The following AIG1 variants were observed in gnomAD, a reference collection of about 807,000 sequenced individuals.
The protein encoded by AIG1 is androgen induced 1.
AIG1 carries 23 observed loss-of-function variants against 31.4 expected under a neutral mutation model. That is an observed-to-expected ratio of 0.73 (90% CI 0.53 to 1.04). AIG1 has a LOEUF of 1.04. AIG1 is among the 50% of genes least tolerant of loss of function. The pLI is 0.00. For missense variants in AIG1, 274 were observed against 295.0 expected (o/e 0.93, Z 0.52); for synonymous variants, 100 against 110.5 (o/e 0.90, Z 0.60).
chr6:143,227,780 CA>C (rs1793117925), intron 3 of AIG1, among the ~76,000 whole-genome samples: 1 of 152,118 alleles, frequency 6.6e-6, no homozygotes, highest in African/African-American at 2.4e-5. Context: ...TATCAGGGTG[CA>C]CATGCACAGG....
intron 3 of AIG1, among the ~76,000 whole-genome samples, chr6:143,204,468 C>T (rs1352292117): frequency 1.3e-5 from 2 of 152,066 alleles, no homozygotes; most frequent in African/African-American, 2.4e-5. Context: ...GGTAGTCTGA[C>T]TTTTTATTGG....
intron 3 of AIG1, among the ~76,000 whole-genome samples, chr6:143,224,247 C>A (rs143213462): frequency 6.6e-6 from 1 of 152,304 alleles, no homozygotes; most frequent in South Asian, 2.1e-4. Flanking sequence ...ACATCCAAAC[C>A]GGAACTCCTC....
At chr6:143,294,551 T>C (rs1798292173) in intron 4 of AIG1, among the ~76,000 whole-genome samples, 1 of 152,182 alleles carries the variant, frequency 6.6e-6, no homozygotes, top group South Asian at 2.1e-4. Context: ...GGCATTACCA[T>C]TAAACTAATA....
At chr6:143,118,666 A>G (rs1781960185) in intron 1 of AIG1, among the ~76,000 whole-genome samples, 1 of 152,160 alleles carries the variant, frequency 6.6e-6, no homozygotes. Context: ...TATTTATTCA[A>G]TCAACAGGAA....
intron 2 of AIG1, among the ~76,000 whole-genome samples, chr6:143,159,638 G>A (rs1469611721): frequency 1.3e-5 from 2 of 151,734 alleles, no homozygotes; most frequent in African/African-American, 2.4e-5. Context: ...AAAGGAGACT[G>A]TGGCATTTTA....
chr6:143,274,295 C>T (rs1035462231), intron 3 of AIG1, among the ~76,000 whole-genome samples: 1 of 152,184 alleles, frequency 6.6e-6, no homozygotes, highest in Non-Finnish European at 1.5e-5. Flanking sequence ...CACAAACTCA[C>T]CACCTTCCAG....
At position 143,079,102 on chromosome 6, in the gene AIG1, A is replaced by AAAAAC. The variant is rs1487131575; in HGVS notation, c.141+18052_141+18056dup. On this transcript the variant is annotated intron_variant, in intron 1 of 5. Coordinates refer to ENST00000357847, the MANE Select transcript of AIG1 (RefSeq NM_016108.4). ...AGGAGAAAAGAGAGAGAGAGAGAGG[A>AAAAAC]AAAACAAAACAAAACAAAACGTATT... is the stretch of plus-strand genomic sequence containing the variant. Among the ~76,000 whole-genome samples the AAAAAC allele has an allele frequency of 2.1e-3, 324 of 152,192 alleles. 3 individuals are homozygous for AAAAAC. Among genetic ancestry groups the AAAAAC allele is most frequent in the African/African-American group, 7.1e-3 (293 of 41,508 alleles).
At chr6:143,130,567 A>G (rs1319740798) in intron 1 of AIG1, among the ~76,000 whole-genome samples, 2 of 151,714 alleles carry the variant, frequency 1.3e-5, no homozygotes, top group African/African-American at 4.8e-5. Context: ...AAAAATACAA[A>G]AATTAGCTGG....
In AIG1 at chr6:143,120,915, G is replaced by T. The variant is rs192878894; in HGVS notation, c.142-15920G>T. ...CTGGAATGAGGGCAAGGAACACCTG[G>T]CCCACCCAGGGCGGAAAACCGCTTA... is the stretch of plus-strand genomic sequence containing the variant. On this transcript the variant is annotated intron_variant, in intron 1 of 5. Coordinates refer to ENST00000357847, the MANE Select transcript of AIG1 (RefSeq NM_016108.4). Among the ~76,000 whole-genome samples the T allele has an allele frequency of 1.1e-4, 16 of 152,276 alleles. No individual in the cohort carries two copies. The East Asian group carries it at 2.9e-3, about 28-fold the overall frequency.
intron 3 of AIG1, among the ~76,000 whole-genome samples, chr6:143,274,476 A>G (rs1161064537): frequency 6.6e-6 from 1 of 152,218 alleles, no homozygotes; most frequent in Non-Finnish European, 1.5e-5. Context: ...GATCTCATAG[A>G]ATAACTTCAA....
At chr6:143,194,557 A>G (rs1326725568) in intron 3 of AIG1, among the ~76,000 whole-genome samples, 1 of 152,200 alleles carries the variant, frequency 6.6e-6, no homozygotes, top group Admixed American at 6.5e-5. Flanking sequence ...ACTTGGGTTG[A>G]CTTATACATT....
At chr6:143,169,087 T>C (rs1369533802) in intron 3 of AIG1, among the ~76,000 whole-genome samples, 2 of 151,970 alleles carry the variant, frequency 1.3e-5, no homozygotes, top group African/African-American at 4.8e-5. Flanking sequence ...TCCAATCACA[T>C]ATTTTCTATT....
intron 3 of AIG1, among the ~76,000 whole-genome samples, chr6:143,178,836 G>A (rs1389169637): frequency 1.3e-5 from 2 of 152,176 alleles, no homozygotes; most frequent in Non-Finnish European, 2.9e-5. Context: ...GGGGGAGTAG[G>A]TCTCTTTGTT....
chr6:143,140,892 G>A (rs911100760), intron 2 of AIG1, among the ~76,000 whole-genome samples: 28 of 152,276 alleles, frequency 1.8e-4, no homozygotes, highest in South Asian at 1.2e-3. Flanking sequence ...AGCTACAGGC[G>A]CAGAGCCTCA....
At chr6:143,106,847 T>G (rs1410996769) in intron 1 of AIG1, among the ~76,000 whole-genome samples, 1 of 152,174 alleles carries the variant, frequency 6.6e-6, no homozygotes, top group Non-Finnish European at 1.5e-5. Context: ...ATTCCTTGTC[T>G]GATGAGGACA....
chr6:143,329,491 A>T lies in AIG1; in HGVS notation c.516-3791A>T, dbSNP rs1173270903. Among the ~76,000 whole-genome samples the T allele has an allele frequency of 1.3e-5, 2 of 152,206 alleles. No homozygotes were observed. The highest frequency in any genetic ancestry group is 1.3e-4 in the Admixed American group (2 of 15,278). ...CACATTACATTAGCAGCTCTGACAT[A>T]GTCTCATTTATACCCTATAAGCTCT... is the stretch of plus-strand genomic sequence containing the variant. On this transcript the variant is annotated intron_variant, in intron 4 of 5. Transcript: ENST00000357847. The surrounding 1 kb of genome is among the most constrained non-coding windows in gnomAD (Gnocchi z 4.9).
intron 1 of AIG1, among the ~76,000 whole-genome samples, chr6:143,071,905 T>G (rs1004324801): frequency 6.6e-6 from 1 of 151,992 alleles, no homozygotes; most frequent in Non-Finnish European, 1.5e-5. Flanking sequence ...TACCTCAGCC[T>G]CCCGAGTAGC....
rs577797491 is a variant in AIG1 at position 143,324,788 on chromosome 6, G to A, written c.516-8494G>A. ...AAGCAACCTAATTCCTTATCTAAATGTGAATGATAGAGCAAGTTTTTAAAT... is the reference window on the plus strand; with the variant it reads ...AAGCAACCTAATTCCTTATCTAAATATGAATGATAGAGCAAGTTTTTAAAT... On this transcript the variant is annotated intron_variant, in intron 4 of 5. Transcript: ENST00000357847. Among the ~76,000 whole-genome samples, 92 of 152,188 alleles carry A rather than the reference G, an allele frequency of 6.0e-4. 1 individual carries two copies. Among genetic ancestry groups the A allele is most frequent in the African/African-American group, 2.2e-3 (91 of 41,448 alleles).
intron 1 of AIG1, among the ~76,000 whole-genome samples, chr6:143,115,047 C>G (rs988541739): frequency 6.6e-6 from 1 of 152,210 alleles, no homozygotes; most frequent in African/African-American, 2.4e-5. Flanking sequence ...AACCATTATT[C>G]AAAACCATGA....
Sources: gnomAD v4.1 joint callset for allele counts (sites outside exome capture counted in the v4.1 genomes callset) on GRCh38, gnomAD v4.1.1 for gene constraint, Gnocchi (gnomAD v3.1) non-coding constraint, MANE v1.5 for transcripts, NCBI Gene and HGNC (gene_info 2026-07-23, HGNC 2026-07-21) for gene names.